FAM222B: variants seen among roughly 807,000 people sequenced by gnomAD.
FAM222B encodes family with sequence similarity 222 member B, also known as protein FAM222B.
A neutral mutation model predicts 38.0 loss-of-function variants in FAM222B; 12 were observed. The observed-to-expected ratio is 0.32, with a 90% CI of 0.20 to 0.51. FAM222B has a LOEUF of 0.51. Among genes scored for constraint, FAM222B ranks in the 20% least tolerant of loss-of-function variants. The pLI is 0.97. For synonymous variants in FAM222B, 329 were observed against 317.2 expected (o/e 1.04, Z -0.40); for missense variants, 716 against 754.2 (o/e 0.95, Z 0.59).
intron 1 of FAM222B, among the ~76,000 whole-genome samples, chr17:28,799,224 C>T (rs1432147325): frequency 2.6e-5 from 4 of 151,532 alleles, no homozygotes; most frequent in Non-Finnish European, 4.4e-5. Context: ...CCACCCACCT[C>T]GGCCTCCCAA....
chr17:28,774,273 G>C (rs1174052263), intron 1 of FAM222B, among the ~76,000 whole-genome samples: 1 of 151,658 alleles, frequency 6.6e-6, no homozygotes, highest in East Asian at 1.9e-4. Flanking sequence ...ACTACTCTCT[G>C]AAAGTGTTTC....
intron 1 of FAM222B, among the ~76,000 whole-genome samples, chr17:28,780,430 G>A (rs1360158940): frequency 1.3e-5 from 2 of 151,864 alleles, no homozygotes; most frequent in African/African-American, 4.8e-5. Flanking sequence ...AGTAGCATAA[G>A]GAAATCAATG....
chr17:28,808,308 CA>C (rs1488328966), intron 1 of FAM222B, among the ~76,000 whole-genome samples: 1 of 152,242 alleles, frequency 6.6e-6, no homozygotes, highest in African/African-American at 2.4e-5. Flanking sequence ...CCCAGGTTAC[CA>C]AAAGCTAAAT....
intron 1 of FAM222B, among the ~76,000 whole-genome samples, chr17:28,823,875 A>AT (rs367743538): frequency 0.2 from 26,608 of 134,048 alleles, 2,916 homozygotes; most frequent in South Asian, 0.32. Context: ...CCAAAAGAGA[A>AT]TTTTTTTTTT....
chr17:28,813,485 A>G (rs2037893455), intron 1 of FAM222B, among the ~76,000 whole-genome samples: 1 of 152,096 alleles, frequency 6.6e-6, no homozygotes, highest in African/African-American at 2.4e-5. Flanking sequence ...ATATGGAAGT[A>G]ATGTGTCAAT....
intron 1 of FAM222B, among the ~76,000 whole-genome samples, chr17:28,769,324 G>A (rs1051698471): frequency 1.7e-4 from 26 of 151,922 alleles, no homozygotes; most frequent in South Asian, 8.4e-4. Flanking sequence ...GACTACAGGC[G>A]CCTGCCACCA....
chr17:28,804,201 C>A (rs1447441830), intron 1 of FAM222B, among the ~76,000 whole-genome samples: 1 of 152,094 alleles, frequency 6.6e-6, no homozygotes, highest in Non-Finnish European at 1.5e-5. Flanking sequence ...CTGAATGACA[C>A]CACCAGCTTT....
chr17:28,835,254 A>G (rs1262281078), intron 1 of FAM222B, among the ~76,000 whole-genome samples: 1 of 152,020 alleles, frequency 6.6e-6, no homozygotes, highest in Non-Finnish European at 1.5e-5. Context: ...CCAGGATGGT[A>G]TTGAACTCCT....
exon 1 of FAM222B, chr17:28,854,982 T>C (rs2039217570): frequency 6.6e-7 from 1 of 1,512,608 alleles, no homozygotes; most frequent in African/African-American, 1.4e-5. Flanking sequence ...TCAGCCGCTC[T>C]GTTCAATCGT....
chr17:28,775,386 G>A (rs1411501377), intron 1 of FAM222B, among the ~76,000 whole-genome samples: 1 of 151,096 alleles, frequency 6.6e-6, no homozygotes, highest in Non-Finnish European at 1.5e-5. Context: ...TCACTTCCCA[G>A]CATAGCCTCG....
In FAM222B at chr17:28,814,178, C is replaced by CA. The variant is rs775435641; in HGVS notation, c.-41+28503dup. Among the ~76,000 whole-genome samples the CA allele has an allele frequency of 5.3e-3, 532 of 101,168 alleles. 1 individual carries two copies. The highest frequency in any genetic ancestry group is 9.7e-3 in the Admixed American group (94 of 9,714). 66.4% of individuals were successfully genotyped at this position (101,168 alleles called of 152,430 possible). ...CTGAGTGAGAGTAAGACTCTAACTC[C>CA]AAAAAAAAAAAAAGAAAAGAAAAAG... On this transcript the variant is annotated intron_variant, in intron 1 of 2. Coordinates refer to ENST00000581407, the MANE Select transcript of FAM222B (RefSeq NM_001077498.3).
intron 1 of FAM222B, among the ~76,000 whole-genome samples, chr17:28,815,340 A>G (rs1444037242): frequency 6.6e-6 from 1 of 151,940 alleles, no homozygotes; most frequent in Non-Finnish European, 1.5e-5. Flanking sequence ...CAGCCTCCCA[A>G]GTAGCTGAGA....
intron 2 of FAM222B, among the ~76,000 whole-genome samples, chr17:28,766,324 G>A (rs1307762997): frequency 6.6e-6 from 1 of 151,954 alleles, no homozygotes; most frequent in African/African-American, 2.4e-5. Context: ...CATGGTGGTG[G>A]GCACCTGTAA....
chr17:28,826,960 G>A (rs1193185306), intron 1 of FAM222B, among the ~76,000 whole-genome samples: 5 of 152,018 alleles, frequency 3.3e-5, no homozygotes, highest in Non-Finnish European at 7.4e-5. Context: ...TGGCAATATA[G>A]CAAGACCTTG....
chr17:28,793,851 T>G (rs1247004573), intron 1 of FAM222B, among the ~76,000 whole-genome samples: 3 of 151,030 alleles, frequency 2.0e-5, no homozygotes, highest in Non-Finnish European at 4.4e-5. Flanking sequence ...GTTCAAGCAA[T>G]TCTCCTGCCT....
chr17:28,820,301 G>A (rs994261048), intron 1 of FAM222B, among the ~76,000 whole-genome samples: 4 of 152,150 alleles, frequency 2.6e-5, no homozygotes, highest in African/African-American at 7.2e-5. Context: ...TAGTTCCTAA[G>A]TACATTACAG....
intron 2 of FAM222B, among the ~76,000 whole-genome samples, chr17:28,765,357 T>C (rs1168374254): frequency 2.6e-5 from 4 of 152,198 alleles, no homozygotes; most frequent in African/African-American, 9.7e-5. Flanking sequence ...CATTTGTTTA[T>C]TGTCTGTGGC....
chr17:28,848,785 G>GA (rs1423897306), intron 1 of FAM222B: 1 of 152,082 alleles, frequency 6.6e-6, no homozygotes, highest in African/African-American at 2.4e-5. Context: ...TTCAAGTAGG[G>GA]AAATGGCTCA....
At chr17:28,761,548 G>A (rs2035071921) in intron 2 of FAM222B, among the ~76,000 whole-genome samples, 2 of 152,208 alleles carry the variant, frequency 1.3e-5, no homozygotes, top group Non-Finnish European at 2.9e-5. Flanking sequence ...TCACATCACT[G>A]GGCATCACCT....
Sources: allele counts gnomAD v4.1 joint callset (sites outside exome capture counted in the v4.1 genomes callset), GRCh38; gene constraint gnomAD v4.1.1; transcripts MANE v1.5; gene names NCBI Gene and HGNC (gene_info 2026-07-23, HGNC 2026-07-21).